The following SYCP2 variants were observed in gnomAD, a reference collection of about 807,000 sequenced individuals.
The protein encoded by SYCP2 is synaptonemal complex lateral element protein.
Under a neutral mutation model 211.3 loss-of-function variants are expected in SYCP2, and 55 were observed. The ratio of observed to expected loss-of-function variants is 0.26; its 90% CI spans 0.21 to 0.33. SYCP2 has a LOEUF of 0.33. Among genes scored for constraint, SYCP2 ranks in the 10% least tolerant of loss-of-function variants. The probability of loss-of-function intolerance (pLI) is 1.00; values close to 1 mark genes in which losing one functional copy is unlikely to be tolerated. For missense variants in SYCP2, 1,731 were observed against 1,752.0 expected (o/e 0.99, Z 0.21); for synonymous variants, 570 against 555.2 (o/e 1.03, Z -0.37).
chr20:59,886,666 T>C (rs867206509), intron 25 of SYCP2, 41 bp downstream of exon 25: 9 of 1,444,442 alleles, frequency 6.2e-6, no homozygotes, highest in Non-Finnish European at 8.4e-6. Context: ...TATAGTTGTA[T>C]CTGTCAGAAA....
chr20:59,868,330 T>A, intron 38 of SYCP2, 83 bp downstream of exon 38: 2 of 1,412,270 alleles, frequency 1.4e-6, no homozygotes, highest in Non-Finnish European at 1.9e-6. Flanking sequence ...CTTTACAAAT[T>A]TGTTTTGTAA....
rs747897616 is a variant in SYCP2, at chr20:59,896,463, G to A, written c.1470C>T (p.Tyr490=). 5.6e-6 allele frequency: 9 copies of A among 1,607,894 alleles called. No individual in the cohort carries two copies. In the South Asian group the frequency reaches 9.9e-5, roughly 18 times the overall value. The change falls in exon 19 of 45, where the codon TAC becomes TAT. Residue 490 remains tyrosine, a synonymous_variant. Transcript: ENST00000357552. ...ASMIVSGADR[Y]TMRSPVLFSN... ...TGAAAAGCACTGGACTTCTCATAGT[G>A]TATCTATCTGCACCAGAAACAATCA...
chr20:59,879,874 C>G (rs1249733584), intron 31 of SYCP2, among the ~76,000 whole-genome samples: 3 of 144,022 alleles, frequency 2.1e-5, no homozygotes, highest in African/African-American at 7.5e-5. Flanking sequence ...CACACACACA[C>G]ACACAAACAT....
intron 2 of SYCP2, among the ~76,000 whole-genome samples, chr20:59,924,082 A>C (rs2060590600): frequency 6.6e-6 from 1 of 151,924 alleles, no homozygotes; most frequent in African/African-American, 2.4e-5. Flanking sequence ...TAAAAGCAGG[A>C]AATGAAATTC....
rs749983888 is a variant in SYCP2 at position 59,891,979 on chromosome 20, T to C, written c.2364+11A>G. 6 of 1,568,086 alleles carry C rather than the reference T, an allele frequency of 3.8e-6. No individual in the cohort carries two copies. In the African/African-American group the frequency reaches 5.5e-5, roughly 14 times the overall value. ...TGGATATGCAGAAATCAAAACACAT[T>C]GAAAGCTCACCATTTTTTTTTGTTT... On this transcript the variant is annotated intron_variant, in intron 24 of 44. Transcript: ENST00000357552.
chr20:59,929,902 T>C (rs1040428982), intron 2 of SYCP2, among the ~76,000 whole-genome samples: 11 of 152,098 alleles, frequency 7.2e-5, no homozygotes, highest in Non-Finnish European at 1.6e-4. Context: ...GTGTCTAGAC[T>C]GAGAATACAA....
intron 2 of SYCP2, among the ~76,000 whole-genome samples, chr20:59,927,012 G>A (rs6071032): frequency 0.019 from 2,951 of 152,202 alleles, 41 homozygotes; most frequent in Middle Eastern, 0.041. Flanking sequence ...TTTGGCATTG[G>A]ACAAACAGTT....
intron 10 of SYCP2, among the ~76,000 whole-genome samples, chr20:59,914,463 A>G (rs1189070354): frequency 6.6e-6 from 1 of 152,006 alleles, no homozygotes; most frequent in Non-Finnish European, 1.5e-5. Flanking sequence ...CAACAGAAGA[A>G]ATAAGTAAAA....
intron 2 of SYCP2, among the ~76,000 whole-genome samples, chr20:59,927,255 G>C (rs988200409): frequency 6.6e-6 from 1 of 152,154 alleles, no homozygotes; most frequent in East Asian, 1.9e-4. Flanking sequence ...ACTTGTAAAG[G>C]GTTTTAATCT....
rs375821886 is a variant in SYCP2 at position 59,901,678 on chromosome 20, C to A, written c.1166G>T (p.Gly389Val). The A allele has an allele frequency of 2.6e-5, 41 of 1,571,594 alleles. No homozygotes were observed. The highest frequency in any genetic ancestry group is 3.5e-5 in the Non-Finnish European group (40 of 1,155,018). The change falls in exon 16 of 45, where the codon GGT (glycine) becomes GTT (valine). Residue 389 changes from glycine to valine, a missense_variant. By Grantham distance (109) the Gly-to-Val change is moderately radical. Coordinates refer to ENST00000357552, the MANE Select transcript of SYCP2 (RefSeq NM_014258.4). ...EITNVTQKIF[G>V]ATKHRESIRK... is the part of the protein sequence containing the mutation. ...AAGACTTACCCTATGTTTAGTTGCA[C>A]CAAAAATTTTTTGAGTTACATTAGT...
intron 17 of SYCP2, among the ~76,000 whole-genome samples, 171 bp downstream of exon 17, chr20:59,900,573 A>G (rs887439050): frequency 6.6e-6 from 1 of 152,102 alleles, no homozygotes; most frequent in Non-Finnish European, 1.5e-5. Context: ...TTTACACTAA[A>G]ATTATCATTA....
intron 18 of SYCP2, 126 bp downstream of exon 18, chr20:59,900,010 AAC>A (rs1326088371): frequency 2.0e-6 from 2 of 1,021,666 alleles, no homozygotes; most frequent in East Asian, 2.4e-5. Flanking sequence ...AGGTAGGAGA[AAC>A]ACTCTGAAAT....
chr20:59,914,056 AT>A, intron 11 of SYCP2, 29 bp from the exon 12 acceptor site: 1 of 1,575,122 alleles, frequency 6.3e-7, no homozygotes, highest in Non-Finnish European at 8.6e-7. Flanking sequence ...ACTTTTAAAA[AT>A]CATAATAATT....
Position 59,913,911 on chromosome 20 carries a change from T to C in SYCP2, c.830+64A>G, listed in dbSNP as rs2060381103. 1.6e-5 allele frequency: 20 copies of C among 1,213,122 alleles called. No homozygotes were observed. In the South Asian group the frequency reaches 2.4e-4, roughly 14 times the overall value. 75.1% of individuals were successfully genotyped at this position (1,213,122 alleles called of 1,614,324 possible). A position where few individuals can be genotyped will look rare whatever the true frequency, so the allele number is the denominator to read the frequency against. On this transcript the variant is annotated intron_variant, in intron 12 of 44. Transcript: ENST00000357552. ...AGTTAAATGTATAAAGATGCAACAC[T>C]GGGTGCTCACTCTTGAGCTCTATTT...
Position 59,881,509 on chromosome 20 carries a change from CAAA to C in SYCP2, c.2659-20_2659-18del. 1.5e-6 allele frequency: 2 copies of C among 1,313,060 alleles called. No individual in the cohort carries two copies. 81.3% of individuals were successfully genotyped at this position (1,313,060 alleles called of 1,614,324 possible). A position where few individuals can be genotyped will look rare whatever the true frequency, so the allele number is the denominator to read the frequency against. ...CTCTTGGATCTATATTGTAAATAAA[CAAA>C]AAAAAAGAGGTGTCAGTGTCAAAAT... On this transcript the variant is annotated intron_variant, in intron 28 of 44. Coordinates refer to ENST00000357552, the MANE Select transcript of SYCP2 (RefSeq NM_014258.4).
chr20:59,924,093 C>T (rs1453588995), intron 2 of SYCP2, among the ~76,000 whole-genome samples: 1 of 151,744 alleles, frequency 6.6e-6, no homozygotes, highest in Non-Finnish European at 1.5e-5. Context: ...AATGAAATTC[C>T]CATGTGAAAG....
At chr20:59,889,283 G>A (rs1251169678) in intron 24 of SYCP2, among the ~76,000 whole-genome samples, 1 of 151,944 alleles carries the variant, frequency 6.6e-6, no homozygotes, top group East Asian at 1.9e-4. Context: ...TCTACCAAAT[G>A]TACCACAGTG....
chr20:59,915,984 C>T (rs2060432927), intron 8 of SYCP2, among the ~76,000 whole-genome samples: 1 of 151,964 alleles, frequency 6.6e-6, no homozygotes, highest in Non-Finnish European at 1.5e-5. Context: ...TAGAGCAAGA[C>T]TCTCTCAAAA....
chr20:59,916,328 G>A (rs111342807), intron 8 of SYCP2, among the ~76,000 whole-genome samples, 158 bp downstream of exon 8: 81 of 152,212 alleles, frequency 5.3e-4, no homozygotes, highest in African/African-American at 1.9e-3. Context: ...TAAATTTTCA[G>A]TAAGTATTTC....
Sources: gnomAD v4.1 joint callset for allele counts (sites outside exome capture counted in the v4.1 genomes callset) on GRCh38, gnomAD v4.1.1 for gene constraint, MANE v1.5 for transcripts, NCBI Gene and HGNC (gene_info 2026-07-23, HGNC 2026-07-21) for gene names.